The following BTG4 variants were observed in gnomAD, a reference collection of about 807,000 sequenced individuals.
BTG4 encodes the protein BTG anti-proliferation factor 4.
Under a neutral mutation model 19.3 loss-of-function variants are expected in BTG4, and 10 were observed. The ratio of observed to expected loss-of-function variants is 0.52; its 90% CI spans 0.32 to 0.88. The LOEUF is 0.88. BTG4 is among the 40% of genes least tolerant of loss of function. BTG4 has a pLI of 0.04. For missense variants in BTG4, 238 were observed against 281.9 expected, an observed-to-expected ratio of 0.84 and a Z score of 1.11; for synonymous variants, 91 against 95.7, an observed-to-expected ratio of 0.95 and a Z score of 0.29.
intron 5 of BTG4, among the ~76,000 whole-genome samples, chr11:111,470,686 G>A (rs186763235): frequency 1.5e-4 from 23 of 152,262 alleles, no homozygotes; most frequent in East Asian, 1.9e-4. Flanking sequence ...GGAGGCCGAG[G>A]CAGAAAGATC....
chr11:111,514,723 G>C, upstream of BTG4: 1 of 1,349,252 alleles, frequency 7.4e-7, no homozygotes, highest in Non-Finnish European at 1.0e-6. Context: ...TTCTCGGAGG[G>C]GCGGGGCAGG....
In BTG4 at chr11:111,479,680, G is replaced by T. The variant is rs1944110; in HGVS notation, c.663-11999C>A. On this transcript the variant is annotated intron_variant, in intron 5 of 5. Coordinates refer to the BTG4 transcript ENST00000356018. ...TGGTCTATTATAGCTCTAAATATAT[G>T]TAGAGGAAATATTTAATGCAAGTAT... 8.4e-3 allele frequency among the ~76,000 whole-genome samples: 1,272 copies of T among 152,194 alleles called. 20 individuals are homozygous for T. The highest frequency in any genetic ancestry group is 0.029 in the African/African-American group (1,194 of 41,532).
At chr11:111,393,232 C>G in the BTG4 span, among the ~76,000 whole-genome samples, 1 of 152,172 alleles carries the variant, frequency 6.6e-6, no homozygotes, top group African/African-American at 2.4e-5. Context: ...TACTAAATCA[C>G]AGTTTGTAAA....
intron 5 of BTG4, chr11:111,467,811 A>C (rs757559400): frequency 3.6e-5 from 20 of 562,672 alleles, no homozygotes; most frequent in Non-Finnish European, 5.9e-5. Context: ...TCACAGTGTA[A>C]GAGCTTTCTC....
the BTG4 span, among the ~76,000 whole-genome samples, chr11:111,391,073 G>A: frequency 7.2e-5 from 11 of 152,294 alleles, no homozygotes; most frequent in African/African-American, 1.7e-4. Flanking sequence ...GTATGTGCTC[G>A]ATAAAGTCTC....
At chr11:111,498,350 T>C (rs1865864769) in intron 2 of BTG4, among the ~76,000 whole-genome samples, 1 of 152,178 alleles carries the variant, frequency 6.6e-6, no homozygotes, top group South Asian at 2.1e-4. Flanking sequence ...AGTCACAAAA[T>C]TAGTTATCTT....
the BTG4 span, chr11:111,416,493 C>G: frequency 6.6e-6 from 1 of 152,132 alleles, no homozygotes; most frequent in Non-Finnish European, 1.5e-5. Context: ...ACAAACAGAT[C>G]TGAAACGCCG....
chr11:111,449,325 G>GC, the BTG4 span: 1 of 125,538 alleles, frequency 8.0e-6, no homozygotes, highest in Admixed American at 7.9e-5. Context: ...CCCCCTCCCC[G>GC]CCCCCAGCCC....
intron 1 of BTG4, among the ~76,000 whole-genome samples, chr11:111,501,750 A>T (rs1474749033): frequency 6.6e-6 from 1 of 152,232 alleles, no homozygotes; most frequent in Non-Finnish European, 1.5e-5. Flanking sequence ...TATATTGTAC[A>T]CAAGTATTAA....
At chr11:111,400,880 A>G in the BTG4 span, 8 of 152,132 alleles carry the variant, frequency 5.3e-5, no homozygotes, top group African/African-American at 1.7e-4. Flanking sequence ...CAGAATAACC[A>G]TAAGACAACA....
the BTG4 span, chr11:111,454,374 G>A: frequency 4.4e-6 from 2 of 451,716 alleles, no homozygotes; most frequent in East Asian, 1.4e-4. Context: ...GGCAGCTCCA[G>A]GCAACACTTC....
the BTG4 span, chr11:111,453,442 GCTGCTCCCCAC>G: frequency 3.9e-5 from 18 of 456,576 alleles, no homozygotes; most frequent in African/African-American, 3.6e-4. Flanking sequence ...GGCTCGGAAG[GCTGCTCCCCAC>G]CCCACCTTCA....
the BTG4 span, chr11:111,455,695 C>A: frequency 2.5e-6 from 1 of 406,322 alleles, no homozygotes. Flanking sequence ...TGCAGGGGGT[C>A]CCGGAACTGG....
the BTG4 span, among the ~76,000 whole-genome samples, chr11:111,413,977 C>T: frequency 2.6e-5 from 4 of 152,204 alleles, no homozygotes; most frequent in East Asian, 7.7e-4. Flanking sequence ...CCGCCCCCAC[C>T]TCAGCTAGCT....
At chr11:111,509,215 C>T (rs560062694) in intron 1 of BTG4, among the ~76,000 whole-genome samples, 4 of 152,190 alleles carry the variant, frequency 2.6e-5, no homozygotes. Flanking sequence ...AAATCTTCTC[C>T]CATAAATAGA....
chr11:111,506,221 T>A (rs1333458190), intron 1 of BTG4, among the ~76,000 whole-genome samples: 1 of 152,044 alleles, frequency 6.6e-6, no homozygotes, highest in African/African-American at 2.4e-5. Context: ...AGTCATGGAA[T>A]CCACCTACAT....
chr11:111,495,872 T>C (rs927210620), intron 4 of BTG4, among the ~76,000 whole-genome samples: 14 of 152,226 alleles, frequency 9.2e-5, no homozygotes, highest in Non-Finnish European at 2.1e-4. Context: ...AAATGACATA[T>C]AGCAGGTCTT....
the BTG4 span, among the ~76,000 whole-genome samples, chr11:111,439,496 C>T: frequency 1.3e-4 from 20 of 152,228 alleles, no homozygotes; most frequent in African/African-American, 4.8e-4. Context: ...GCTGCCTGTA[C>T]TCTCGGTGCC....
the BTG4 span, among the ~76,000 whole-genome samples, chr11:111,419,193 C>G: frequency 6.6e-6 from 1 of 152,186 alleles, no homozygotes; most frequent in Non-Finnish European, 1.5e-5. Flanking sequence ...AACCTATAAA[C>G]TTGGAGGAGA....
Sources: gnomAD v4.1 joint callset for allele counts (sites outside exome capture counted in the v4.1 genomes callset) on GRCh38, gnomAD v4.1.1 for gene constraint, MANE v1.5 for transcripts, NCBI Gene and HGNC (gene_info 2026-07-23, HGNC 2026-07-21) for gene names.